PTPRK: variants seen among roughly 807,000 people sequenced by gnomAD.
The protein encoded by PTPRK is protein tyrosine phosphatase receptor type K.
A neutral mutation model predicts 178.0 loss-of-function variants in PTPRK; 75 were observed. The ratio of observed to expected loss-of-function variants is 0.42; its 90% CI spans 0.35 to 0.51. The LOEUF is 0.51. Ranked by LOEUF, PTPRK falls within the 20% of genes least tolerant of loss-of-function variation. The probability of loss-of-function intolerance (pLI) is 0.02; values close to 1 mark genes in which losing one functional copy is unlikely to be tolerated. For missense variants in PTPRK, 1,441 were observed against 1,797.8 expected (o/e 0.80, Z 3.59); for synonymous variants, 637 against 620.6 (o/e 1.03, Z -0.39).
At chr6:127,985,984 C>T in intron 21 of PTPRK, 109 bp from the exon 22 acceptor site, 3 of 1,092,164 alleles carry the variant, frequency 2.7e-6, no homozygotes, top group East Asian at 2.5e-5. Flanking sequence ...AACAATAAAA[C>T]CTTTACGAAA....
chr6:128,000,135 T>C (rs1387078439), intron 15 of PTPRK: 2 of 1,000,528 alleles, frequency 2.0e-6, no homozygotes, highest in African/African-American at 1.8e-5. Flanking sequence ...TATACCGTCA[T>C]ACTCATTAAC....
chr6:128,330,556 CT>C (rs1830132703), intron 2 of PTPRK, among the ~76,000 whole-genome samples: 1 of 152,114 alleles, frequency 6.6e-6, no homozygotes, highest in South Asian at 2.1e-4. Context: ...ATTCACGTCT[CT>C]TCATATCCAC....
intron 13 of PTPRK, among the ~76,000 whole-genome samples, chr6:128,032,539 T>C (rs550246424): frequency 6.6e-6 from 1 of 152,324 alleles, no homozygotes; most frequent in African/African-American, 2.4e-5. Context: ...GAGTCATTAT[T>C]TATTATGTGT....
intron 5 of PTPRK, among the ~76,000 whole-genome samples, chr6:128,220,295 A>T (rs1256693975): frequency 6.6e-6 from 1 of 152,194 alleles, no homozygotes; most frequent in Non-Finnish European, 1.5e-5. Context: ...TCAAAAGTGA[A>T]TAGGGTATAA....
At chr6:128,329,699 T>C (rs1318488290) in intron 2 of PTPRK, among the ~76,000 whole-genome samples, 4 of 151,986 alleles carry the variant, frequency 2.6e-5, no homozygotes, top group Admixed American at 2.6e-4. Context: ...CTTCAAGCGA[T>C]TGGATGAGGC....
At chr6:128,051,318 T>C (rs1437809603) in intron 13 of PTPRK, among the ~76,000 whole-genome samples, 3 of 152,194 alleles carry the variant, frequency 2.0e-5, no homozygotes, top group Non-Finnish European at 2.9e-5. Context: ...ATCTCCTTTT[T>C]ATCAGTAATG....
chr6:128,202,815 T>C (rs886756174), intron 6 of PTPRK, among the ~76,000 whole-genome samples: 1 of 152,182 alleles, frequency 6.6e-6, no homozygotes, highest in African/African-American at 2.4e-5. Flanking sequence ...AGCTGAATTC[T>C]ACCAGAGGTA....
intron 3 of PTPRK, among the ~76,000 whole-genome samples, chr6:128,280,984 A>C (rs1398113223): frequency 6.6e-6 from 1 of 152,218 alleles, no homozygotes; most frequent in Non-Finnish European, 1.5e-5. Flanking sequence ...AGGAAAAAAA[A>C]ATCTAGGTGA....
chr6:128,067,018 C>T (rs1297391121), intron 12 of PTPRK, among the ~76,000 whole-genome samples: 2 of 152,148 alleles, frequency 1.3e-5, no homozygotes, highest in African/African-American at 2.4e-5. Context: ...ATACCACAGG[C>T]GCCCTATTAC....
intron 1 of PTPRK, among the ~76,000 whole-genome samples, chr6:128,450,780 T>C (rs1046271846): frequency 6.6e-6 from 1 of 152,232 alleles, no homozygotes; most frequent in African/African-American, 2.4e-5. Flanking sequence ...AAATTAATTG[T>C]TAAAATCACA....
Position 127,990,762 on chromosome 6 carries a change from T to TTAA in PTPRK, c.3096+6_3096+7insTTA, listed in dbSNP as rs1198447498. 1.3e-6 allele frequency: 2 copies of TTAA among 1,544,020 alleles called. No homozygotes were observed. The highest frequency in any genetic ancestry group is 1.8e-6 in the Non-Finnish European group (2 of 1,118,152). On this transcript the variant is annotated splice_region_variant and intron_variant, in intron 21 of 29. Coordinates refer to ENST00000368226, the MANE Select transcript of PTPRK (RefSeq NM_002844.4). ...CACTTTTTAAAATAGAATTTTAGAG[T>TTAA]ACTTACCCTTTCCAGGGTGAATGTC...
At chr6:128,346,975 T>C (rs1460720166) in intron 2 of PTPRK, among the ~76,000 whole-genome samples, 1 of 152,138 alleles carries the variant, frequency 6.6e-6, no homozygotes, top group Non-Finnish European at 1.5e-5. Context: ...ATTAAAATGC[T>C]AAAAACACTA....
chr6:128,057,724 C>T (rs1436712074), intron 13 of PTPRK, among the ~76,000 whole-genome samples: 2 of 152,228 alleles, frequency 1.3e-5, no homozygotes, highest in African/African-American at 4.8e-5. Context: ...TGTAATAAGT[C>T]GTAGCCATGA....
At chr6:128,489,692 C>T (rs567120472) in intron 1 of PTPRK, among the ~76,000 whole-genome samples, 1 of 152,220 alleles carries the variant, frequency 6.6e-6, no homozygotes, top group Admixed American at 6.5e-5. Context: ...ATTTAATTAC[C>T]TCATTAAAAG....
intron 1 of PTPRK, among the ~76,000 whole-genome samples, chr6:128,480,866 A>G (rs1851985764): frequency 6.6e-6 from 1 of 152,080 alleles, no homozygotes; most frequent in African/African-American, 2.4e-5. Flanking sequence ...AAAACCTAAA[A>G]TCTTACACTG....
chr6:128,048,635 C>T (rs1397072528), intron 13 of PTPRK, among the ~76,000 whole-genome samples: 3 of 152,206 alleles, frequency 2.0e-5, no homozygotes, highest in African/African-American at 7.2e-5. Context: ...ATGCCACATA[C>T]AGTCAGCCCT....
intron 7 of PTPRK, among the ~76,000 whole-genome samples, chr6:128,116,636 TG>T (rs1791568229): frequency 6.6e-6 from 1 of 152,206 alleles, no homozygotes; most frequent in Non-Finnish European, 1.5e-5. Context: ...ATCAACAATA[TG>T]GTGCAGTGGA....
intron 6 of PTPRK, among the ~76,000 whole-genome samples, chr6:128,194,630 T>C (rs905565667): frequency 6.6e-6 from 1 of 152,102 alleles, no homozygotes; most frequent in African/African-American, 2.4e-5. Flanking sequence ...AAGTCAGCAA[T>C]AAAACTAGGA....
At chr6:128,226,404 C>T (rs9375554) in intron 5 of PTPRK, among the ~76,000 whole-genome samples, 3 of 152,148 alleles carry the variant, frequency 2.0e-5, no homozygotes, top group Non-Finnish European at 2.9e-5. Flanking sequence ...GCTACAATCT[C>T]CAGTTATTTC....
Sources: allele counts gnomAD v4.1 joint callset (sites outside exome capture counted in the v4.1 genomes callset), GRCh38; gene constraint gnomAD v4.1.1; transcripts MANE v1.5; gene names NCBI Gene and HGNC (gene_info 2026-07-23, HGNC 2026-07-21).